Variants in PCMT1 observed in about 807,000 individuals in gnomAD.
PCMT1 encodes the protein protein-L-isoaspartate (D-aspartate) O-methyltransferase.
In PCMT1, 9 loss-of-function variants were observed where a neutral mutation model predicts 29.2. That is an observed-to-expected ratio of 0.31 (90% CI 0.19 to 0.54). The LOEUF is 0.54. PCMT1 is among the 20% of genes least tolerant of loss of function. The pLI is 0.95. For synonymous variants in PCMT1, 98 were observed against 97.5 expected (o/e 1.00, Z -0.03); for missense variants, 184 against 282.2 (o/e 0.65, Z 2.49).
In PCMT1 at chr6:149,762,646, TATATATATG is replaced by T. The variant is rs1302567214; in HGVS notation, c.56-8507_56-8499del. On this transcript the variant is annotated intron_variant, in intron 1 of 7. Coordinates refer to ENST00000464889, the MANE Select transcript of PCMT1 (RefSeq NM_001360452.2). ...ATCTATGATATATATATATCTATGATATATATATGATATATATATCTATGATATATATAT... is the reference window on the plus strand; with the variant it reads ...ATCTATGATATATATATATCTATGATATATATATATCTATGATATATATAT... 6.1e-3 allele frequency among the ~76,000 whole-genome samples: 27 copies of T among 4,458 alleles called. 1 individual carries two copies. Among genetic ancestry groups the T allele is most frequent in the East Asian group, 0.023 (1 of 44 alleles). 2.9% of individuals were successfully genotyped at this position (4,458 alleles called of 152,430 possible).
At chr6:149,769,383 C>T (rs1202150888) in intron 1 of PCMT1, among the ~76,000 whole-genome samples, 4 of 136,984 alleles carry the variant, frequency 2.9e-5, no homozygotes, top group Non-Finnish European at 6.0e-5. Flanking sequence ...GGCACGATCT[C>T]GGCTCACTGC....
intron 7 of PCMT1, among the ~76,000 whole-genome samples, chr6:149,804,390 A>G (rs190679040): frequency 4.6e-5 from 7 of 152,344 alleles, no homozygotes; most frequent in African/African-American, 1.7e-4. Flanking sequence ...TGAAGGAATT[A>G]TAAAAAGGGA....
intron 3 of PCMT1, among the ~76,000 whole-genome samples, chr6:149,776,799 T>A (rs1398898276): frequency 6.6e-6 from 1 of 152,196 alleles, no homozygotes; most frequent in African/African-American, 2.4e-5. Context: ...GATTAAAAAA[T>A]TTGATACTTT....
chr6:149,753,774 A>G (rs543690706), intron 1 of PCMT1, among the ~76,000 whole-genome samples: 11 of 152,336 alleles, frequency 7.2e-5, no homozygotes, highest in African/African-American at 2.6e-4. Context: ...TGCATCATTT[A>G]TAGAATATTT....
intron 5 of PCMT1, among the ~76,000 whole-genome samples, chr6:149,794,533 G>A (rs982455095): frequency 1.3e-5 from 2 of 152,146 alleles, no homozygotes; most frequent in East Asian, 1.9e-4. Context: ...CAGGAGAATC[G>A]CTTGAACCCG....
At chr6:149,784,977 A>G (rs939498316) in intron 3 of PCMT1, among the ~76,000 whole-genome samples, 1 of 152,108 alleles carries the variant, frequency 6.6e-6, no homozygotes, top group Admixed American at 6.6e-5. Flanking sequence ...CGCTTAAATC[A>G]GTATCCACAC....
intron 1 of PCMT1, among the ~76,000 whole-genome samples, chr6:149,766,079 CCT>C (rs2115237031): frequency 6.6e-6 from 1 of 151,982 alleles, no homozygotes; most frequent in East Asian, 1.9e-4. Flanking sequence ...TTATACTTTC[CCT>C]TTTTTCCTCC....
At chr6:149,786,557 AC>A in intron 3 of PCMT1, among the ~76,000 whole-genome samples, 1 of 72,926 alleles carries the variant, frequency 1.4e-5, no homozygotes, top group Non-Finnish European at 2.3e-5. Context: ...CACTTCTCAG[AC>A]GGGGCGGTTG....
chr6:149,769,152 G>GA (rs1431435100), intron 1 of PCMT1, among the ~76,000 whole-genome samples: 1 of 151,874 alleles, frequency 6.6e-6, no homozygotes, highest in East Asian at 1.9e-4. Flanking sequence ...GCATTGGTTT[G>GA]ATTGGTTTTT....
At chr6:149,807,281 G>C (rs183968353) in intron 7 of PCMT1, among the ~76,000 whole-genome samples, 4 of 152,194 alleles carry the variant, frequency 2.6e-5, no homozygotes, top group Non-Finnish European at 4.4e-5. Context: ...GCTACAGAAA[G>C]TTAATAGTTC....
chr6:149,787,379 T>C (rs1309729340), intron 3 of PCMT1, among the ~76,000 whole-genome samples: 1 of 151,352 alleles, frequency 6.6e-6, no homozygotes, highest in Non-Finnish European at 1.5e-5. Flanking sequence ...ATTTTTTTTT[T>C]TTTTTGAGAC....
At chr6:149,750,201 GGCAGTCGTCTCCCT>G in intron 1 of PCMT1, 1 of 582,822 alleles carries the variant, frequency 1.7e-6, no homozygotes, top group African/African-American at 1.9e-5. Flanking sequence ...TGGGGGCAGG[GGCAGTCGTCTCCCT>G]GCAGGCCCTG....
At chr6:149,773,420 C>T (rs1787421515) in intron 3 of PCMT1, among the ~76,000 whole-genome samples, 1 of 152,018 alleles carries the variant, frequency 6.6e-6, no homozygotes, top group African/African-American at 2.4e-5. Context: ...GCTCTGTCGC[C>T]CAGGCTAGAG....
intron 1 of PCMT1, among the ~76,000 whole-genome samples, chr6:149,752,508 A>G (rs986609054): frequency 1.8e-4 from 28 of 152,136 alleles, no homozygotes; most frequent in Non-Finnish European, 8.8e-5. Flanking sequence ...CTAGATGTCA[A>G]TATTTTGTCA....
At chr6:149,753,921 C>T (rs1437441834) in intron 1 of PCMT1, among the ~76,000 whole-genome samples, 2 of 152,110 alleles carry the variant, frequency 1.3e-5, no homozygotes, top group South Asian at 2.1e-4. Context: ...TACAGATTGC[C>T]GGAGCTTGAG....
At chr6:149,793,032 G>A (rs1373783774) in intron 4 of PCMT1, among the ~76,000 whole-genome samples, 1 of 151,760 alleles carries the variant, frequency 6.6e-6, no homozygotes, top group African/African-American at 2.4e-5. Context: ...GCATGGTGGC[G>A]GGGGCCTGTA....
chr6:149,773,123 C>T lies in PCMT1; in HGVS notation c.161-15C>T, dbSNP rs767188086. 1.4e-5 allele frequency: 22 copies of T among 1,602,806 alleles called. No homozygotes were observed. The highest frequency in any genetic ancestry group is 1.7e-5 in the Non-Finnish European group (20 of 1,171,292). On this transcript the variant is annotated splice_polypyrimidine_tract_variant and intron_variant, in intron 2 of 7. Coordinates refer to ENST00000464889, the MANE Select transcript of PCMT1 (RefSeq NM_001360452.2). ...TACAGCTGACTGTATCAGTAGTTCT[C>T]TTCTTCTTTTGCAGGTTTCCAAGCA...
At chr6:149,807,004 T>C (rs570784525) in intron 7 of PCMT1, among the ~76,000 whole-genome samples, 1 of 152,340 alleles carries the variant, frequency 6.6e-6, no homozygotes, top group South Asian at 2.1e-4. Context: ...ATTGCGGTGC[T>C]CTGATGAGGG....
intron 1 of PCMT1, among the ~76,000 whole-genome samples, chr6:149,760,281 C>G (rs982601348): frequency 6.6e-6 from 1 of 152,084 alleles, no homozygotes; most frequent in African/African-American, 2.4e-5. Flanking sequence ...TCTTATTTGC[C>G]TCTTCATATG....
Sources: gnomAD v4.1 joint callset for allele counts (sites outside exome capture counted in the v4.1 genomes callset) on GRCh38, gnomAD v4.1.1 for gene constraint, MANE v1.5 for transcripts, NCBI Gene and HGNC (gene_info 2026-07-23, HGNC 2026-07-21) for gene names.